GRIA3: variants seen among roughly 807,000 people sequenced by gnomAD.
GRIA3 encodes glutamate ionotropic receptor AMPA type subunit 3.
Under a neutral mutation model 63.0 loss-of-function variants are expected in GRIA3, and 3 were observed. The ratio of observed to expected loss-of-function variants is 0.05; its 90% CI spans 0.02 to 0.12. GRIA3 has a LOEUF of 0.12. Ranked by LOEUF, GRIA3 falls within the 10% of genes least tolerant of loss-of-function variation. The pLI is 1.00. For missense variants in GRIA3, 347 were observed against 700.9 expected (o/e 0.50, Z 5.70); for synonymous variants, 274 against 257.9 (o/e 1.06, Z -0.60).
chrX:123,268,340 T>C (rs1569411047), intron 3 of GRIA3, among the ~76,000 whole-genome samples: 1 of 110,841 alleles, frequency 9.0e-6, no homozygotes, highest in Non-Finnish European at 1.9e-5. Context: ...GGCACAAATG[T>C]ATTCCTTCTG....
intron 12 of GRIA3, among the ~76,000 whole-genome samples, chrX:123,439,793 C>CTT (rs34786936): frequency 9.5e-6 from 1 of 104,880 alleles, no homozygotes; most frequent in African/African-American, 3.5e-5. Context: ...TATTCTTGTT[C>CTT]TTTTTTTTTT....
intron 11 of GRIA3, 185 bp downstream of exon 11, chrX:123,417,963 T>C (rs1189755270): frequency 2.1e-6 from 1 of 486,987 alleles, no homozygotes; most frequent in Non-Finnish European, 3.6e-6. Flanking sequence ...TGGTGTTGCT[T>C]TGAATGTCTT....
chrX:123,433,185 G>A (rs1350194632), intron 12 of GRIA3, among the ~76,000 whole-genome samples: 1 of 111,799 alleles, frequency 8.9e-6, no homozygotes, highest in Non-Finnish European at 1.9e-5. Context: ...TGATATGTTT[G>A]GACAGTTGAC....
At chrX:123,198,690 C>A (rs1927640136) in intron 2 of GRIA3, among the ~76,000 whole-genome samples, 1 of 111,634 alleles carries the variant, frequency 9.0e-6, no homozygotes, top group African/African-American at 3.3e-5. Context: ...AAAGCCAGGG[C>A]ACACATACCA....
chrX:123,306,254 A>G (rs1464272196), intron 3 of GRIA3, among the ~76,000 whole-genome samples: 4 of 111,775 alleles, frequency 3.6e-5, no homozygotes, highest in Non-Finnish European at 5.6e-5. Flanking sequence ...TGATTCCCTT[A>G]TGCCACCAAA....
intron 12 of GRIA3, among the ~76,000 whole-genome samples, chrX:123,463,654 A>G (rs866685684): frequency 2.0e-5 from 1 of 49,911 alleles, no homozygotes; most frequent in African/African-American, 1.5e-4. Context: ...GAAAGAAAGA[A>G]AGAAAGAAAG....
At chrX:123,305,388 A>G (rs1308382270) in intron 3 of GRIA3, among the ~76,000 whole-genome samples, 1 of 112,043 alleles carries the variant, frequency 8.9e-6, no homozygotes, top group African/African-American at 3.2e-5. Context: ...GAAATTAGAG[A>G]AATGATGCAT....
intron 5 of GRIA3, among the ~76,000 whole-genome samples, chrX:123,355,608 T>C (rs5958228): frequency 5.8e-4 from 65 of 112,104 alleles, no homozygotes; most frequent in African/African-American, 2.1e-3. Context: ...ATTAGTAATA[T>C]CTGTTTGGCA....
rs143756437 is a variant in GRIA3 at position 123,443,032 on chromosome X, C to T, written c.2076+14893C>T. 4.3e-3 allele frequency among the ~76,000 whole-genome samples: 478 copies of T among 110,432 alleles called. 2 individuals carry two copies. Among genetic ancestry groups the T allele is most frequent in the African/African-American group, 0.015 (448 of 30,312 alleles). On this transcript the variant is annotated intron_variant, in intron 12 of 15. Transcript: ENST00000620443. ...TCAGGGATTGAGAAAAAGGAAAAAC[C>T]TTTCCTCTAATCAACAGGGACCAGT...
At chrX:123,413,418 T>TA (rs2045517771) in intron 10 of GRIA3, among the ~76,000 whole-genome samples, 1 of 106,324 alleles carries the variant, frequency 9.4e-6, no homozygotes. Flanking sequence ...ACTAGAGGGG[T>TA]ATTTGCATGC....
chrX:123,264,403 G>T (rs897916346), intron 3 of GRIA3, among the ~76,000 whole-genome samples: 3 of 111,514 alleles, frequency 2.7e-5, no homozygotes, highest in African/African-American at 9.8e-5. Context: ...TCTGTACAGA[G>T]GTGGCTGGGC....
chrX:123,459,313 C>T (rs1431664659), intron 12 of GRIA3, among the ~76,000 whole-genome samples: 1 of 111,820 alleles, frequency 8.9e-6, no homozygotes, highest in African/African-American at 3.3e-5. Context: ...ACTATATGCA[C>T]AATGACTAGG....
chrX:123,455,468 C>T (rs1370288799), intron 12 of GRIA3, among the ~76,000 whole-genome samples: 1 of 111,874 alleles, frequency 8.9e-6, no homozygotes, highest in Non-Finnish European at 1.9e-5. Flanking sequence ...TTTCCAAATG[C>T]ACCTTATTAG....
rs368538833 is a variant in GRIA3, at chrX:123,286,503, G to A, written c.508+32961G>A. Among the ~76,000 whole-genome samples, 7 of 109,745 alleles carry A rather than the reference G, an allele frequency of 6.4e-5. No individual in the cohort carries two copies. In the South Asian group the frequency reaches 1.9e-3, roughly 30 times the overall value. The stretch of plus-strand genomic sequence containing the variant: ...GAGCTGCTGTTTTGAAAAGATTAAC[G>A]AAATAGACCACTAACCAGACTAATA... On this transcript the variant is annotated intron_variant, in intron 3 of 15. Coordinates refer to ENST00000620443, the MANE Select transcript of GRIA3 (RefSeq NM_007325.5).
At chrX:123,437,218 T>C (rs1350285193) in intron 12 of GRIA3, among the ~76,000 whole-genome samples, 1 of 109,772 alleles carries the variant, frequency 9.1e-6, no homozygotes, top group African/African-American at 3.3e-5. Flanking sequence ...GCACCAGGTA[T>C]ACAGTACAGG....
chrX:123,290,227 A>C (rs1489134251), intron 3 of GRIA3, among the ~76,000 whole-genome samples: 1 of 111,693 alleles, frequency 9.0e-6, no homozygotes, highest in Non-Finnish European at 1.9e-5. Flanking sequence ...AGGGTGGGGA[A>C]GACTTTGGAA....
chrX:123,483,793 A>G (rs1258395565), intron 15 of GRIA3, among the ~76,000 whole-genome samples: 3 of 111,299 alleles, frequency 2.7e-5, no homozygotes, highest in Non-Finnish European at 5.7e-5. Flanking sequence ...TTAGGCGGGC[A>G]TAGTGGCAGG....
chrX:123,312,575 C>A (rs1357635604), intron 3 of GRIA3, among the ~76,000 whole-genome samples: 2 of 111,592 alleles, frequency 1.8e-5, no homozygotes, highest in African/African-American at 6.5e-5. Context: ...GGCCTCAGTG[C>A]CAAATGGGAG....
intron 12 of GRIA3, among the ~76,000 whole-genome samples, chrX:123,438,459 A>G (rs925580073): frequency 2.3e-4 from 26 of 112,448 alleles, no homozygotes; most frequent in Admixed American, 1.5e-3. Context: ...CCTGCTTTCA[A>G]TTCTTTGGAT....
Sources: gnomAD v4.1 joint callset for allele counts (sites outside exome capture counted in the v4.1 genomes callset) on GRCh38, gnomAD v4.1.1 for gene constraint, MANE v1.5 for transcripts, NCBI Gene and HGNC (gene_info 2026-07-23, HGNC 2026-07-21) for gene names.